ARSG: variants seen among roughly 807,000 people sequenced by gnomAD.
ARSG encodes ASG.
In ARSG, 37 loss-of-function variants were observed where a neutral mutation model predicts 50.5. That is an observed-to-expected ratio of 0.73 (90% CI 0.56 to 0.96). The LOEUF is 0.96. Among genes scored for constraint, ARSG ranks in the 50% least tolerant of loss-of-function variants. The pLI is 0.00. For missense variants in ARSG, 629 were observed against 675.3 expected (o/e 0.93, Z 0.76); for synonymous variants, 225 against 254.6 (o/e 0.88, Z 1.11).
chr17:68,385,599 A>G (rs1035857291), intron 9 of ARSG, among the ~76,000 whole-genome samples: 1 of 150,178 alleles, frequency 6.7e-6, no homozygotes, highest in Non-Finnish European at 1.5e-5. Flanking sequence ...AGGGAGAAAC[A>G]GTGAAGTGGG....
the ARSG span, among the ~76,000 whole-genome samples, chr17:68,427,810 C>T: frequency 1.2e-4 from 19 of 152,316 alleles, no homozygotes; most frequent in South Asian, 1.7e-3. Flanking sequence ...CGGTGGGGGG[C>T]GGTGGCAGCT....
intron 9 of ARSG, among the ~76,000 whole-genome samples, chr17:68,386,632 A>C (rs1490979803): frequency 1.3e-5 from 2 of 152,134 alleles, no homozygotes; most frequent in East Asian, 3.9e-4. Flanking sequence ...CTGTGATGTC[A>C]GGCTGCCTGG....
intron 11 of ARSG, among the ~76,000 whole-genome samples, chr17:68,415,782 T>TC (rs2082327590): frequency 6.6e-6 from 1 of 152,246 alleles, no homozygotes. Context: ...TGTCTCTGTC[T>TC]TTTTTAACTG....
chr17:68,262,473 A>G (rs199853565), intron 1 of ARSG, among the ~76,000 whole-genome samples: 2 of 148,154 alleles, frequency 1.3e-5, no homozygotes, highest in East Asian at 4.0e-4. Flanking sequence ...TGCCCCCCCA[A>G]CCCCCCCAGA....
At chr17:68,433,522 G>A in the ARSG span, 1 of 1,613,948 alleles carries the variant, frequency 6.2e-7, no homozygotes, top group South Asian at 1.1e-5. Flanking sequence ...GTTACTGGAG[G>A]CGCAGAGGAA....
chr17:68,322,324 C>T lies in ARSG; in HGVS notation c.218+14613C>T, dbSNP rs1256910823. Among the ~76,000 whole-genome samples the T allele has an allele frequency of 7.9e-5, 12 of 152,128 alleles. No individual in the cohort carries two copies. In the South Asian group the frequency reaches 1.2e-3, roughly 16 times the overall value. On this transcript the variant is annotated intron_variant, in intron 2 of 11. Coordinates refer to ENST00000621439, the MANE Select transcript of ARSG (RefSeq NM_001267727.2). ...GGCAAAGGAACTCAAAACTGCATCC[C>T]GCTGTAGAAATGTACGATAGCTGGC...
the ARSG span, among the ~76,000 whole-genome samples, chr17:68,449,328 G>C: frequency 0.78 from 118,088 of 152,196 alleles, 46,188 homozygotes; most frequent in African/African-American, 0.85. Context: ...CCAGCACAGT[G>C]CCTGCCTTCA....
intron 1 of ARSG, among the ~76,000 whole-genome samples, chr17:68,273,630 A>G (rs1599505406): frequency 6.6e-6 from 1 of 152,164 alleles, no homozygotes; most frequent in Non-Finnish European, 1.5e-5. Flanking sequence ...AATACTGGCT[A>G]CAGAAATTCG....
At chr17:68,439,523 T>C in the ARSG span, among the ~76,000 whole-genome samples, 2 of 152,156 alleles carry the variant, frequency 1.3e-5, no homozygotes, top group African/African-American at 4.8e-5. Flanking sequence ...TTTGGGGCGA[T>C]GAAAATGCTC....
At chr17:68,305,184 A>T (rs1489656076) in intron 1 of ARSG, among the ~76,000 whole-genome samples, 13 of 152,226 alleles carry the variant, frequency 8.5e-5, no homozygotes, top group Admixed American at 8.5e-4. Context: ...TAGGGCTTTT[A>T]AGTGAACTAG....
At chr17:68,417,398 G>A (rs8075656) in intron 11 of ARSG, among the ~76,000 whole-genome samples, 58,488 of 152,040 alleles carry the variant, frequency 0.38, 12,764 homozygotes, top group African/African-American at 0.61. Flanking sequence ...TTTTTCTCCA[G>A]TATTTACTGT....
At chr17:68,259,794 G>A (rs1267889022) in intron 1 of ARSG, among the ~76,000 whole-genome samples, 1 of 152,136 alleles carries the variant, frequency 6.6e-6, no homozygotes, top group African/African-American at 2.4e-5. Flanking sequence ...AGCCCCATGT[G>A]GCTTGTGTCT....
At chr17:68,368,424 C>T (rs1463817405) in intron 6 of ARSG, 124 bp from the exon 7 acceptor site, 2 of 808,894 alleles carry the variant, frequency 2.5e-6, no homozygotes, top group Admixed American at 2.6e-5. Flanking sequence ...TAAATGTGTC[C>T]TTCTTGAGCC....
intron 11 of ARSG, among the ~76,000 whole-genome samples, chr17:68,412,621 A>C (rs1418813790): frequency 6.6e-6 from 1 of 151,882 alleles, no homozygotes; most frequent in Non-Finnish European, 1.5e-5. Context: ...TTCTTGAGGA[A>C]TATCTTTGTG....
chr17:68,444,406 G>A, the ARSG span: 98 of 1,260,996 alleles, frequency 7.8e-5, no homozygotes, highest in African/African-American at 9.0e-5. Context: ...ACTGCTTCAC[G>A]TTCGCAATTT....
At chr17:68,280,918 C>T (rs1008119940) in intron 1 of ARSG, among the ~76,000 whole-genome samples, 1 of 151,942 alleles carries the variant, frequency 6.6e-6, no homozygotes, top group African/African-American at 2.4e-5. Context: ...TGAGCTAAGG[C>T]GTTTGAGACC....
At chr17:68,338,802 T>C (rs562780595) in intron 2 of ARSG, among the ~76,000 whole-genome samples, 32 of 152,326 alleles carry the variant, frequency 2.1e-4, no homozygotes, top group Non-Finnish European at 4.1e-4. Context: ...TTATAACTAT[T>C]CGTTGTAAAA....
At chr17:68,435,206 CAAA>C in the ARSG span, among the ~76,000 whole-genome samples, 1 of 139,176 alleles carries the variant, frequency 7.2e-6, no homozygotes, top group Non-Finnish European at 1.5e-5. Context: ...GACTCCACCT[CAAA>C]AAAAAAAAAA....
intron 3 of ARSG, chr17:68,346,606 G>A: frequency 9.8e-6 from 6 of 614,288 alleles, no homozygotes; most frequent in Non-Finnish European, 1.4e-5. Context: ...AGGAGCAGCA[G>A]GGTGTCTGAG....
Sources: gnomAD v4.1 joint callset for allele counts (sites outside exome capture counted in the v4.1 genomes callset) on GRCh38, gnomAD v4.1.1 for gene constraint, MANE v1.5 for transcripts, NCBI Gene and HGNC (gene_info 2026-07-23, HGNC 2026-07-21) for gene names.